The following FAM151B variants were observed in gnomAD, a reference collection of about 807,000 sequenced individuals.
FAM151B encodes the protein protein FAM151B.
FAM151B carries 24 observed loss-of-function variants against 31.2 expected under a neutral mutation model. The ratio of observed to expected loss-of-function variants is 0.77; its 90% CI spans 0.56 to 1.08. The LOEUF (loss-of-function observed/expected upper bound fraction) is 1.08. Among genes scored for constraint, FAM151B ranks in the 50% least tolerant of loss-of-function variants. The pLI, the probability that FAM151B is intolerant of heterozygous loss-of-function variation, is 0.00. For missense variants in FAM151B, 293 were observed against 328.6 expected (o/e 0.89, Z 0.84); for synonymous variants, 105 against 111.4 (o/e 0.94, Z 0.36).
At chr5:80,504,764 C>T (rs1580420301) in intron 2 of FAM151B, among the ~76,000 whole-genome samples, 1 of 152,070 alleles carries the variant, frequency 6.6e-6, no homozygotes, top group African/African-American at 2.4e-5. Flanking sequence ...CTGATCTGCC[C>T]TCCTTGGCCT....
Position 80,513,724 on chromosome 5 carries a change from C to A in FAM151B, c.272C>A (p.Thr91Asn), listed in dbSNP as rs759613582. 2 of 1,612,918 alleles carry A rather than the reference C, an allele frequency of 1.2e-6. No individual in the cohort carries two copies. Among genetic ancestry groups the A allele is most frequent in the Admixed American group, 1.7e-5 (1 of 59,694 alleles). ...NSDNTLQEWL[T>N]EVMKSNKGIK... ...GATAATACTCTACAGGAGTGGCTGA[C>A]TGAAGTTATGAAAAGCAATAAAGGC... The change falls in exon 3 of 6, where the codon ACT (threonine) becomes AAT (asparagine). Residue 91 changes from threonine (T) to asparagine (N), a missense_variant. Transcript: ENST00000282226.
At chr5:80,536,030 G>A (rs939982766) in intron 5 of FAM151B, among the ~76,000 whole-genome samples, 4 of 152,106 alleles carry the variant, frequency 2.6e-5, no homozygotes, top group Admixed American at 6.6e-5. Context: ...TCAAAGCTAC[G>A]ATGAGATATC....
intron 3 of FAM151B, among the ~76,000 whole-genome samples, chr5:80,517,564 T>TTTTGTTTCTCTTA (rs11269910): frequency 6.6e-6 from 1 of 151,746 alleles, no homozygotes; most frequent in Non-Finnish European, 1.5e-5. Flanking sequence ...TAACCGCAGA[T>TTTTGTTTCTCTTA]TTTAAGTTTC....
intron 2 of FAM151B, among the ~76,000 whole-genome samples, chr5:80,502,689 G>A (rs1743790785): frequency 6.6e-6 from 1 of 152,156 alleles, no homozygotes; most frequent in Non-Finnish European, 1.5e-5. Flanking sequence ...GGCAGAGCTT[G>A]CAGTATCTGG....
At chr5:80,497,425 A>C (rs1461017114) in intron 1 of FAM151B, among the ~76,000 whole-genome samples, 7 of 151,714 alleles carry the variant, frequency 4.6e-5, no homozygotes, top group African/African-American at 1.5e-4. Flanking sequence ...AAAAAAAAAA[A>C]AAAACAAAAA....
At chr5:80,520,244 A>G (rs1744640957) in intron 4 of FAM151B, among the ~76,000 whole-genome samples, 1 of 152,238 alleles carries the variant, frequency 6.6e-6, no homozygotes, top group African/African-American at 2.4e-5. Context: ...TCAGGAAATT[A>G]GCTGCTAAAC....
chr5:80,531,488 C>G (rs956732847), intron 5 of FAM151B, among the ~76,000 whole-genome samples: 5 of 152,186 alleles, frequency 3.3e-5, no homozygotes, highest in Admixed American at 2.0e-4. Flanking sequence ...ATCTACCCAT[C>G]TGACAAAGGG....
At chr5:80,526,687 A>G (rs1744989670) in intron 5 of FAM151B, among the ~76,000 whole-genome samples, 1 of 152,116 alleles carries the variant, frequency 6.6e-6, no homozygotes. Context: ...CTCTTCAAAT[A>G]ATGTTAATTT....
At position 80,541,968 on chromosome 5, in the gene FAM151B, T is replaced by TAAGCA; in HGVS notation, c.*136_*137insAAGCA. The stretch of plus-strand genomic sequence containing the variant: ...TAATCAAGAAACGTTTATTGTATGC[T>TAAGCA]TACTCTGTGGGCATATGTCCTTATA... On this transcript the variant is annotated 3_prime_UTR_variant, in exon 6 of 6. Coordinates refer to ENST00000282226, the MANE Select transcript of FAM151B (RefSeq NM_205548.3). 1.1e-5 allele frequency: 10 copies of TAAGCA among 908,218 alleles called. No homozygotes were observed. The highest frequency in any genetic ancestry group is 1.5e-5 in the Non-Finnish European group (9 of 609,774). 56.3% of individuals were successfully genotyped at this position (908,218 alleles called of 1,614,324 possible). A position where few individuals can be genotyped will look rare whatever the true frequency, so the allele number is the denominator to read the frequency against.
intron 3 of FAM151B, among the ~76,000 whole-genome samples, chr5:80,518,309 T>G (rs575078323): frequency 6.6e-6 from 1 of 152,012 alleles, no homozygotes. Context: ...TAGTTCAAGG[T>G]TTTTCCTTAC....
intron 5 of FAM151B, among the ~76,000 whole-genome samples, chr5:80,525,176 G>A (rs1469221494): frequency 6.6e-6 from 1 of 152,146 alleles, no homozygotes; most frequent in East Asian, 1.9e-4. Context: ...TGAATAATAT[G>A]TTACAAAGGG....
intron 5 of FAM151B, among the ~76,000 whole-genome samples, chr5:80,526,743 T>G (rs750072865): frequency 2.0e-5 from 3 of 152,210 alleles, no homozygotes; most frequent in Non-Finnish European, 4.4e-5. Flanking sequence ...TTTATGATGG[T>G]TAATACCTCT....
intron 5 of FAM151B, among the ~76,000 whole-genome samples, chr5:80,533,621 G>A (rs10036971): frequency 0.11 from 15,881 of 150,524 alleles, 1,339 homozygotes; most frequent in African/African-American, 0.23. Context: ...GTGGTGGCAC[G>A]CACCTGTAAT....
intron 1 of FAM151B, among the ~76,000 whole-genome samples, chr5:80,492,264 T>C (rs1388675384): frequency 6.6e-6 from 1 of 152,196 alleles, no homozygotes; most frequent in Non-Finnish European, 1.5e-5. Context: ...TGTGTTCACT[T>C]TGTGTCTGTC....
intron 4 of FAM151B, 74 bp downstream of exon 4, chr5:80,519,984 A>G (rs1304698235): frequency 1.4e-6 from 2 of 1,385,050 alleles, no homozygotes; most frequent in East Asian, 4.8e-5. Context: ...TCTTTAATAC[A>G]AAGACCAAAA....
intron 4 of FAM151B, among the ~76,000 whole-genome samples, chr5:80,520,842 T>C (rs563327017): frequency 1.3e-5 from 2 of 148,980 alleles, no homozygotes; most frequent in South Asian, 4.2e-4. Flanking sequence ...AGAGTCTTGC[T>C]CTGTTGCCCA....
At chr5:80,500,553 C>T (rs1212419850) in intron 1 of FAM151B, 8 of 755,332 alleles carry the variant, frequency 1.1e-5, no homozygotes, top group East Asian at 2.4e-5. Flanking sequence ...GCAAGGATGG[C>T]GAGAAAAGCT....
At chr5:80,516,077 C>G (rs1415310812) in intron 3 of FAM151B, among the ~76,000 whole-genome samples, 1 of 152,186 alleles carries the variant, frequency 6.6e-6, no homozygotes, top group East Asian at 1.9e-4. Context: ...ATAATCCCAG[C>G]ACTTTGGTAG....
chr5:80,519,830 A>G lies in FAM151B; in HGVS notation c.455A>G (p.Asp152Gly). The change falls in exon 4 of 6, where the codon GAC (aspartate) becomes GGC (glycine). Residue 152 changes from aspartate to glycine, a missense_variant. Physicochemically the swap from Asp to Gly is moderately conservative, Grantham distance 94. Transcript: ENST00000282226. ...GTAATAGATGCAAAACCATTTTTAG[A>G]CACCGTGATATCCTTCTTTCCAGAC... ...SKVIDAKPFL[D>G]TVISFFPDVT... 6.2e-6 allele frequency: 10 copies of G among 1,613,952 alleles called. No individual in the cohort carries two copies. Among genetic ancestry groups the G allele is most frequent in the Non-Finnish European group, 8.5e-6 (10 of 1,179,830 alleles).
Sources: allele counts gnomAD v4.1 joint callset (sites outside exome capture counted in the v4.1 genomes callset), GRCh38; gene constraint gnomAD v4.1.1; transcripts MANE v1.5; gene names NCBI Gene and HGNC (gene_info 2026-07-23, HGNC 2026-07-21).